ZNF573: variants seen among roughly 807,000 people sequenced by gnomAD.
The protein encoded by ZNF573 is zinc finger protein 573.
In ZNF573, 41 loss-of-function variants were observed where a neutral mutation model predicts 57.4. The ratio of observed to expected loss-of-function variants is 0.71; its 90% CI spans 0.56 to 0.93. The LOEUF (loss-of-function observed/expected upper bound fraction) is 0.93, where lower values mean the gene tolerates loss of function less well. Ranked by LOEUF, ZNF573 falls within the 40% of genes least tolerant of loss-of-function variation. The probability of loss-of-function intolerance (pLI) is 0.00; values close to 1 mark genes in which losing one functional copy is unlikely to be tolerated. For synonymous variants in ZNF573, 249 were observed against 261.0 expected, an observed-to-expected ratio of 0.95 and a Z score of 0.44; for missense variants, 730 against 794.8, an observed-to-expected ratio of 0.92 and a Z score of 0.98.
At chr19:37,758,905 A>T (rs1465158225) in intron 4 of ZNF573, 2 of 211,480 alleles carry the variant, frequency 9.5e-6, no homozygotes, top group Admixed American at 1.3e-4. Context: ...AATACAAAGT[A>T]CCAGAATAAT....
rs922163104 is a variant in ZNF573 at position 37,772,950 on chromosome 19, T to C, written c.69+711A>G. On this transcript the variant is annotated intron_variant, in intron 2 of 4. Transcript: ENST00000536220. Reference sequence around the variant, plus strand: ...GTAGCTAGCCTACCTTCATATACTTTGTTGGACAGAACTTCAAAGGTCTTC... The same window carrying C: ...GTAGCTAGCCTACCTTCATATACTTCGTTGGACAGAACTTCAAAGGTCTTC... The C allele has an allele frequency of 1.3e-5, 13 of 985,364 alleles. No individual in the cohort carries two copies. The African/African-American group carries it at 1.9e-4, about 15-fold the overall frequency. The allele number at this position is 985,364 out of a possible 1,614,324, so 61.0% of individuals were successfully genotyped here.
chr19:37,758,380 C>T (rs2045517646), intron 4 of ZNF573: 1 of 148,250 alleles, frequency 6.7e-6, no homozygotes, highest in Non-Finnish European at 1.5e-5. Context: ...GTGGGTGGAT[C>T]ACCTGAGGTC....
At chr19:37,774,366 C>T (rs1183847175) in intron 1 of ZNF573, among the ~76,000 whole-genome samples, 1 of 151,944 alleles carries the variant, frequency 6.6e-6, no homozygotes, top group African/African-American at 2.4e-5. Context: ...GTCTTGAACT[C>T]CTGGCCTCAG....
intron 4 of ZNF573, among the ~76,000 whole-genome samples, chr19:37,743,372 A>G (rs1279255252): frequency 2.0e-5 from 3 of 151,970 alleles, no homozygotes; most frequent in Admixed American, 6.6e-5. Context: ...GCCAACAAAC[A>G]TATGAAGAAA....
chr19:37,750,232 G>A (rs1366789975), intron 4 of ZNF573, among the ~76,000 whole-genome samples: 3 of 151,884 alleles, frequency 2.0e-5, no homozygotes, highest in African/African-American at 7.3e-5. Flanking sequence ...ACAGGCCTGC[G>A]CCACCATGCC....
At chr19:37,770,991 C>A (rs1053917718) in intron 3 of ZNF573, among the ~76,000 whole-genome samples, 14 of 150,240 alleles carry the variant, frequency 9.3e-5, no homozygotes, top group African/African-American at 3.2e-4. Context: ...ATAAAATCTT[C>A]ATTCAAACTC....
chr19:37,776,341 C>A (rs1348286965), intron 1 of ZNF573, among the ~76,000 whole-genome samples: 1 of 152,074 alleles, frequency 6.6e-6, no homozygotes, highest in Non-Finnish European at 1.5e-5. Flanking sequence ...ATACTTACAG[C>A]CAACTGATCT....
chr19:37,748,464 C>T (rs941809395), intron 4 of ZNF573, among the ~76,000 whole-genome samples: 3 of 149,772 alleles, frequency 2.0e-5, no homozygotes, highest in Non-Finnish European at 4.4e-5. Context: ...CAAAAACGAT[C>T]ATTACGCACT....
chr19:37,762,794 AGGAGTCTCATTCTGTCACCAAGGCT>A (rs1181147721), intron 4 of ZNF573, among the ~76,000 whole-genome samples: 3 of 150,200 alleles, frequency 2.0e-5, no homozygotes, highest in Non-Finnish European at 4.4e-5. Context: ...TTTTTTGAGA[AGGAGTCTCATTCTGTCACCAAGGCT>A]GGAGTGCAGT....
chr19:37,777,464 CA>C (rs1284667216), intron 1 of ZNF573, among the ~76,000 whole-genome samples: 1 of 152,166 alleles, frequency 6.6e-6, no homozygotes, highest in East Asian at 1.9e-4. Flanking sequence ...ACTACTCAGC[CA>C]TAAAAAGGAA....
intron 2 of ZNF573, among the ~76,000 whole-genome samples, chr19:37,773,315 T>C (rs2045676036): frequency 6.6e-6 from 1 of 152,180 alleles, no homozygotes; most frequent in African/African-American, 2.4e-5. Context: ...AGCCTACCTA[T>C]GGTATCCAAA....
intron 4 of ZNF573, among the ~76,000 whole-genome samples, chr19:37,769,304 A>G (rs2045631793): frequency 6.6e-6 from 1 of 152,088 alleles, no homozygotes; most frequent in South Asian, 2.1e-4. Context: ...AGTACAATGT[A>G]AATTTCCATG....
At chr19:37,773,112 G>T in intron 2 of ZNF573, 1 of 356,150 alleles carries the variant, frequency 2.8e-6, no homozygotes, top group Non-Finnish European at 3.9e-6. Context: ...TGTCACCCAA[G>T]TTCAGCAGAA....
chr19:37,760,352 G>C (rs2045539261), intron 4 of ZNF573, among the ~76,000 whole-genome samples: 1 of 151,956 alleles, frequency 6.6e-6, no homozygotes, highest in Admixed American at 6.6e-5. Flanking sequence ...AAGGTGAGCA[G>C]GTTGAAAAGG....
intron 4 of ZNF573, among the ~76,000 whole-genome samples, chr19:37,751,651 CAGT>C (rs1478840953): frequency 1.4e-4 from 14 of 102,404 alleles, no homozygotes; most frequent in Non-Finnish European, 2.5e-4. Context: ...TGTATATATA[CAGT>C]ATAGACAGCA....
At chr19:37,753,548 G>C (rs1320560742) in intron 4 of ZNF573, among the ~76,000 whole-genome samples, 2 of 151,386 alleles carry the variant, frequency 1.3e-5, no homozygotes, top group East Asian at 1.9e-4. Flanking sequence ...GGAAATATAT[G>C]GTATTCAAAA....
intron 4 of ZNF573, among the ~76,000 whole-genome samples, chr19:37,743,589 C>T (rs2045349152): frequency 2.6e-5 from 4 of 152,182 alleles, no homozygotes; most frequent in Admixed American, 2.0e-4. Flanking sequence ...GGCAATTCCT[C>T]AAGGATCTAG....
chr19:37,761,368 A>G (rs1174848009), intron 4 of ZNF573, among the ~76,000 whole-genome samples: 1 of 152,140 alleles, frequency 6.6e-6, no homozygotes, highest in Non-Finnish European at 1.5e-5. Context: ...CTCAGAAGCA[A>G]AAGTTTTTTC....
intron 4 of ZNF573, among the ~76,000 whole-genome samples, chr19:37,769,787 T>C (rs1183023980): frequency 1.5e-5 from 2 of 136,804 alleles, no homozygotes; most frequent in East Asian, 4.2e-4. Context: ...TGAAAACAGG[T>C]TTGAAATATA....
Sources: gnomAD v4.1 joint callset for allele counts (sites outside exome capture counted in the v4.1 genomes callset) on GRCh38, gnomAD v4.1.1 for gene constraint, MANE v1.5 for transcripts, NCBI Gene and HGNC (gene_info 2026-07-23, HGNC 2026-07-21) for gene names.